DPY19L3: variants seen among roughly 807,000 people sequenced by gnomAD.
DPY19L3 encodes protein C-mannosyl-transferase DPY19L3.
Under a neutral mutation model 92.3 loss-of-function variants are expected in DPY19L3, and 51 were observed. The ratio of observed to expected loss-of-function variants is 0.55; its 90% CI spans 0.44 to 0.70. The LOEUF is 0.70. Among genes scored for constraint, DPY19L3 ranks in the 30% least tolerant of loss-of-function variants. The pLI is 0.00. For missense variants in DPY19L3, 706 were observed against 855.9 expected, an observed-to-expected ratio of 0.82 and a Z score of 2.18; for synonymous variants, 309 against 315.2, an observed-to-expected ratio of 0.98 and a Z score of 0.21.
At chr19:32,433,916 CT>C (rs1338865319) in intron 4 of DPY19L3, among the ~76,000 whole-genome samples, 7 of 152,144 alleles carry the variant, frequency 4.6e-5, no homozygotes, top group Non-Finnish European at 1.0e-4. Flanking sequence ...GTCTGTAGTT[CT>C]TATTTCAGAG....
In DPY19L3 at chr19:32,482,836, A is replaced by G. The variant is rs1970713306; in HGVS notation, c.*596A>G. On this transcript the variant is annotated 3_prime_UTR_variant, in exon 19 of 19. Transcript: ENST00000392250. Reference sequence around the variant, plus strand: ...ACACTCTGTCTGAAATGTAATGTGGAGTACTTCAGCAGTATGTGTCATGTA... The same window carrying G: ...ACACTCTGTCTGAAATGTAATGTGGGGTACTTCAGCAGTATGTGTCATGTA... 6.5e-6 allele frequency: 1 copy of G among 152,740 alleles called. No individual in the cohort carries two copies. The highest frequency in any genetic ancestry group is 2.1e-4 in the South Asian group (1 of 4,848). 9.5% of individuals were successfully genotyped at this position (152,740 alleles called of 1,614,324 possible).
Position 32,464,717 on chromosome 19 carries a change from T to G in DPY19L3, c.1558-11T>G, listed in dbSNP as rs1339365150. On this transcript the variant is annotated splice_polypyrimidine_tract_variant and intron_variant, in intron 14 of 18. Coordinates refer to ENST00000392250, the MANE Select transcript of DPY19L3 (RefSeq NM_001172774.2). The stretch of plus-strand genomic sequence containing the variant: ...AATACTTATAATCTAAATAATGTCT[T>G]TCTTATATAGATATGTATAATGCGA... The G allele has an allele frequency of 4.3e-6, 6 of 1,409,318 alleles. No homozygotes were observed. Among genetic ancestry groups the G allele is most frequent in the African/African-American group, 1.5e-5 (1 of 67,932 alleles). The allele number at this position is 1,409,318 out of a possible 1,614,324, so 87.3% of individuals were successfully genotyped here. A position where few individuals can be genotyped will look rare whatever the true frequency, so the allele number is the denominator to read the frequency against.
At chr19:32,473,211 C>T (rs1218268227) in intron 16 of DPY19L3, among the ~76,000 whole-genome samples, 1 of 152,168 alleles carries the variant, frequency 6.6e-6, no homozygotes, top group African/African-American at 2.4e-5. Context: ...ACCTGTGAGT[C>T]CTTGTCATTA....
At chr19:32,480,724 T>G (rs1219077442) in intron 18 of DPY19L3, 167 bp downstream of exon 18, 2 of 948,602 alleles carry the variant, frequency 2.1e-6, no homozygotes, top group Non-Finnish European at 3.0e-6. Flanking sequence ...CTTGGCACTT[T>G]AGTGACTGCC....
At chr19:32,413,738 G>A (rs1384973835) in intron 3 of DPY19L3, among the ~76,000 whole-genome samples, 1 of 151,878 alleles carries the variant, frequency 6.6e-6, no homozygotes. Context: ...GAGGAGCGGG[G>A]GCGGGCAGGG....
chr19:32,464,789 G>A lies in DPY19L3; in HGVS notation c.1614+5G>A, dbSNP rs754300878. The A allele has an allele frequency of 6.6e-7, 1 of 1,510,736 alleles. No individual in the cohort carries two copies. Among genetic ancestry groups the A allele is most frequent in the East Asian group, 2.5e-5 (1 of 40,488 alleles). The allele number at this position is 1,510,736 out of a possible 1,614,324, so 93.6% of individuals were successfully genotyped here. ...CTGCTGTATCTATGCTATAAGGTAAGACTGATTTTCCTCATTCTTGTCATT... is the reference window on the plus strand; with the variant it reads ...CTGCTGTATCTATGCTATAAGGTAAAACTGATTTTCCTCATTCTTGTCATT... On this transcript the variant is annotated splice_donor_5th_base_variant and intron_variant, in intron 15 of 18. Coordinates refer to ENST00000392250, the MANE Select transcript of DPY19L3 (RefSeq NM_001172774.2).
At chr19:32,411,618 A>C (rs1430494831) in intron 3 of DPY19L3, 1 of 428,690 alleles carries the variant, frequency 2.3e-6, no homozygotes, top group East Asian at 3.6e-5. Context: ...CCCAGGCTGG[A>C]GTGCGGTGGC....
chr19:32,439,985 A>G, intron 8 of DPY19L3, 75 bp downstream of exon 8: 1 of 1,558,396 alleles, frequency 6.4e-7, no homozygotes, highest in Admixed American at 2.0e-5. Flanking sequence ...AGATGAAAAT[A>G]TGCAAGTACT....
intron 8 of DPY19L3, among the ~76,000 whole-genome samples, chr19:32,444,514 CAAGAA>C (rs1259041544): frequency 6.6e-6 from 1 of 152,002 alleles, no homozygotes; most frequent in East Asian, 1.9e-4. Context: ...CAGAAGAAGA[CAAGAA>C]AAGAGTTTAC....
At chr19:32,463,777 C>G (rs757634459) in intron 13 of DPY19L3, 92 bp from the exon 14 acceptor site, 42 of 1,162,920 alleles carry the variant, frequency 3.6e-5, no homozygotes, top group Non-Finnish European at 5.4e-5. Flanking sequence ...ATTTTGCCGT[C>G]ATAGACTGTA....
rs1036311329 is a variant in DPY19L3 at position 32,468,530 on chromosome 19, G to A, written c.1615-201G>A. The A allele has an allele frequency of 1.1e-5, 13 of 1,228,098 alleles. No individual in the cohort carries two copies. The African/African-American group carries it at 2.0e-4, about 19-fold the overall frequency. 76.1% of individuals were successfully genotyped at this position (1,228,098 alleles called of 1,614,324 possible). A position where few individuals can be genotyped will look rare whatever the true frequency, so the allele number is the denominator to read the frequency against. ...CACATCCTAATTAGTTTCAGCTGAA[G>A]ATAATTTCAGAAACTTCCCAGGCGC... On this transcript the variant is annotated intron_variant, in intron 15 of 18. Transcript: ENST00000392250.
intron 16 of DPY19L3, among the ~76,000 whole-genome samples, chr19:32,471,998 A>T (rs1970372002): frequency 6.6e-6 from 1 of 152,116 alleles, no homozygotes; most frequent in African/African-American, 2.4e-5. Context: ...AAGTGTGTGG[A>T]TGCAGGTGGC....
At chr19:32,477,366 A>C in intron 16 of DPY19L3, 156 bp from the exon 17 acceptor site, 1 of 926,662 alleles carries the variant, frequency 1.1e-6, no homozygotes, top group Non-Finnish European at 1.6e-6. Context: ...TAGTTTGAGT[A>C]CAAATCAAAA....
At chr19:32,471,914 A>G (rs1970369378) in intron 16 of DPY19L3, among the ~76,000 whole-genome samples, 1 of 152,182 alleles carries the variant, frequency 6.6e-6, no homozygotes, top group South Asian at 2.1e-4. Flanking sequence ...GTTATTTCAC[A>G]TCTGAAGTTG....
At chr19:32,460,240 A>G (rs926803275) in intron 12 of DPY19L3, among the ~76,000 whole-genome samples, 1 of 149,418 alleles carries the variant, frequency 6.7e-6, no homozygotes, top group African/African-American at 2.5e-5. Context: ...ATCTCTACGG[A>G]AAAAAAAAAG....
chr19:32,423,058 T>C (rs1489877792), intron 3 of DPY19L3, among the ~76,000 whole-genome samples: 2 of 152,132 alleles, frequency 1.3e-5, no homozygotes, highest in Non-Finnish European at 2.9e-5. Context: ...CTGAAGAAAT[T>C]GGAAGAGGAA....
chr19:32,466,987 T>G (rs1970220621), intron 15 of DPY19L3, among the ~76,000 whole-genome samples: 1 of 152,228 alleles, frequency 6.6e-6, no homozygotes. Flanking sequence ...AGTTTTACAT[T>G]GCAATTGTAG....
chr19:32,417,138 A>G (rs1968404636), intron 3 of DPY19L3, among the ~76,000 whole-genome samples: 1 of 152,208 alleles, frequency 6.6e-6, no homozygotes, highest in African/African-American at 2.4e-5. Flanking sequence ...CAGATTCTTT[A>G]TTCTTAGAGG....
In DPY19L3 at chr19:32,482,140, G is replaced by C; in HGVS notation, c.2051G>C (p.Cys684Ser). 1 of 1,613,866 alleles carries C rather than the reference G, an allele frequency of 6.2e-7. No homozygotes were observed. Among genetic ancestry groups the C allele is most frequent in the Non-Finnish European group, 8.5e-7 (1 of 1,179,840 alleles). Residue 684 changes from cysteine to serine, a missense_variant, in exon 19 of 19, where the codon TGT becomes TCT. Physicochemically the swap from Cys to Ser is moderately radical, Grantham distance 112. Coordinates refer to ENST00000392250, the MANE Select transcript of DPY19L3 (RefSeq NM_001172774.2). ...AAACCTGCAGACCACCCTCGCTTCT[G>C]TGAAGAGATCAAAAGAAACCTGCCT... ...DLKPADHPRF[C>S]EEIKRNLPPY... is the part of the protein sequence containing the mutation.
Sources: gnomAD v4.1 joint callset for allele counts (sites outside exome capture counted in the v4.1 genomes callset) on GRCh38, gnomAD v4.1.1 for gene constraint, MANE v1.5 for transcripts, NCBI Gene and HGNC (gene_info 2026-07-23, HGNC 2026-07-21) for gene names.